Variants in DPYS observed in about 807,000 individuals in gnomAD.
The protein encoded by DPYS is dihydropyrimidine amidohydrolase.
DPYS carries 39 observed loss-of-function variants against 50.3 expected under a neutral mutation model. The ratio of observed to expected loss-of-function variants is 0.78; its 90% CI spans 0.60 to 1.01. The LOEUF (loss-of-function observed/expected upper bound fraction) is 1.01. Ranked by LOEUF, DPYS falls within the 50% of genes least tolerant of loss-of-function variation. DPYS has a pLI of 0.00. For synonymous variants in DPYS, 245 were observed against 250.7 expected, an observed-to-expected ratio of 0.98 and a Z score of 0.22; for missense variants, 659 against 680.9, an observed-to-expected ratio of 0.97 and a Z score of 0.36.
rs143943686 is a variant in DPYS at position 104,411,346 on chromosome 8, A to G, written c.1235+12901T>C. ...ATCCTTCTACACAGATAAAGGCTCC[A>G]TTTGTTTTTCTTGTGGGTAAATTGC... is the stretch of plus-strand genomic sequence containing the variant. On this transcript the variant is annotated intron_variant, in intron 7 of 9. Coordinates refer to ENST00000351513, the MANE Select transcript of DPYS (RefSeq NM_001385.3). Among the ~76,000 whole-genome samples the G allele has an allele frequency of 3.2e-4, 48 of 152,288 alleles. No individual in the cohort carries two copies. The East Asian group carries it at 9.3e-3, about 29-fold the overall frequency.
chr8:104,392,381 G>A (rs1811418227), intron 8 of DPYS, among the ~76,000 whole-genome samples: 1 of 152,106 alleles, frequency 6.6e-6, no homozygotes, highest in African/African-American at 2.4e-5. Context: ...ACTGGTTTCA[G>A]ACTTAACTTG....
intron 8 of DPYS, among the ~76,000 whole-genome samples, chr8:104,390,315 C>G (rs894245717): frequency 6.6e-6 from 1 of 152,140 alleles, no homozygotes; most frequent in Non-Finnish European, 1.5e-5. Context: ...ACAAAACAAA[C>G]GCTGAGTAAC....
At chr8:104,419,653 C>T (rs1812482158) in intron 7 of DPYS, 1 of 151,874 alleles carries the variant, frequency 6.6e-6, no homozygotes, top group Admixed American at 6.5e-5. Context: ...AACCCACAAC[C>T]CGAAGCTTAT....
At chr8:104,438,784 G>T (rs527403505) in intron 4 of DPYS, among the ~76,000 whole-genome samples, 1 of 152,264 alleles carries the variant, frequency 6.6e-6, no homozygotes, top group African/African-American at 2.4e-5. Flanking sequence ...TCTTCAGCCT[G>T]TAGAGAAGAG....
intron 4 of DPYS, among the ~76,000 whole-genome samples, chr8:104,439,757 C>T (rs1813282164): frequency 6.6e-6 from 1 of 152,130 alleles, no homozygotes; most frequent in South Asian, 2.1e-4. Flanking sequence ...TGCACTCTAG[C>T]CTGGGTGACA....
At chr8:104,398,788 T>A (rs1811676721) in intron 7 of DPYS, among the ~76,000 whole-genome samples, 1 of 152,154 alleles carries the variant, frequency 6.6e-6, no homozygotes, top group Admixed American at 6.5e-5. Flanking sequence ...ACCCATCCTT[T>A]CAAAACTCAC....
At chr8:104,457,341 G>C (rs1423396639) in intron 1 of DPYS, among the ~76,000 whole-genome samples, 5 of 152,182 alleles carry the variant, frequency 3.3e-5, no homozygotes, top group Non-Finnish European at 5.9e-5. Flanking sequence ...AGGCAGGATG[G>C]AGCAGGATGT....
intron 1 of DPYS, among the ~76,000 whole-genome samples, chr8:104,453,549 A>G (rs989097554): frequency 6.6e-6 from 1 of 152,216 alleles, no homozygotes; most frequent in African/African-American, 2.4e-5. Flanking sequence ...TCCCTATTAA[A>G]ATCTACCACA....
chr8:104,432,882 C>T (rs972512720), intron 4 of DPYS, among the ~76,000 whole-genome samples: 2 of 152,148 alleles, frequency 1.3e-5, no homozygotes, highest in African/African-American at 4.8e-5. Context: ...GAATTGTGTC[C>T]TCTGCCCAAA....
intron 4 of DPYS, among the ~76,000 whole-genome samples, chr8:104,440,511 C>A (rs895681830): frequency 1.3e-5 from 2 of 152,130 alleles, no homozygotes; most frequent in Admixed American, 6.5e-5. Context: ...GTGATCCACC[C>A]GCCCCGGCCT....
chr8:104,403,391 GA>G (rs1177954767), intron 7 of DPYS, among the ~76,000 whole-genome samples: 1 of 152,096 alleles, frequency 6.6e-6, no homozygotes, highest in African/African-American at 2.4e-5. Context: ...GTGAGGCCAA[GA>G]ACCCCAGGTC....
intron 1 of DPYS, among the ~76,000 whole-genome samples, chr8:104,460,465 G>A (rs1472874608): frequency 6.6e-6 from 1 of 152,174 alleles, no homozygotes. Flanking sequence ...CCCCGGTCAT[G>A]CCTCCTGTAC....
At chr8:104,404,774 C>T (rs921951644) in intron 7 of DPYS, among the ~76,000 whole-genome samples, 4 of 152,248 alleles carry the variant, frequency 2.6e-5, no homozygotes, top group Admixed American at 2.6e-4. Context: ...AACACAGTCA[C>T]ATTCATTTAC....
intron 7 of DPYS, among the ~76,000 whole-genome samples, chr8:104,421,667 G>T (rs1812552273): frequency 6.6e-6 from 1 of 152,072 alleles, no homozygotes; most frequent in African/African-American, 2.4e-5. Flanking sequence ...AAATGTGAAA[G>T]AACTTATGAG....
At chr8:104,431,009 T>G (rs2140653651) in intron 4 of DPYS, among the ~76,000 whole-genome samples, 1 of 152,304 alleles carries the variant, frequency 6.6e-6, no homozygotes, top group Middle Eastern at 3.4e-3. Context: ...ACTGGAGAAC[T>G]GGGAAGATGG....
chr8:104,391,374 T>C (rs1286068503), intron 8 of DPYS, among the ~76,000 whole-genome samples: 1 of 152,198 alleles, frequency 6.6e-6, no homozygotes, highest in East Asian at 1.9e-4. Context: ...ACCATCTACA[T>C]GGCCAGGCAA....
chr8:104,387,059 A>G (rs538269704), intron 8 of DPYS, among the ~76,000 whole-genome samples: 1 of 152,334 alleles, frequency 6.6e-6, no homozygotes, highest in Non-Finnish European at 1.5e-5. Context: ...AATACCAAAC[A>G]GCAGATGCTG....
At chr8:104,439,636 T>C (rs754876250) in intron 4 of DPYS, among the ~76,000 whole-genome samples, 4 of 152,012 alleles carry the variant, frequency 2.6e-5, no homozygotes, top group Non-Finnish European at 4.4e-5. Context: ...ATTTTAAAAA[T>C]TGGCTGGGTG....
At chr8:104,419,193 G>A in intron 7 of DPYS, 1 of 381,252 alleles carries the variant, frequency 2.6e-6, no homozygotes, top group Non-Finnish European at 3.6e-6. Context: ...CATGCAGTAA[G>A]TAAAAAGCAT....
Sources: allele counts gnomAD v4.1 joint callset (sites outside exome capture counted in the v4.1 genomes callset), GRCh38; gene constraint gnomAD v4.1.1; transcripts MANE v1.5; gene names NCBI Gene and HGNC (gene_info 2026-07-23, HGNC 2026-07-21).